Variants in MCCC1 observed in about 807,000 individuals in gnomAD.
MCCC1 encodes methylcrotonyl-CoA carboxylase subunit 1, also known as methylcrotonoyl-CoA carboxylase subunit alpha, mitochondrial.
In MCCC1, 64 loss-of-function variants were observed where a neutral mutation model predicts 83.8. The ratio of observed to expected loss-of-function variants is 0.76; its 90% confidence interval spans 0.62 to 0.94. MCCC1 has a LOEUF of 0.94. MCCC1 is among the 40% of genes least tolerant of loss of function. The pLI is 0.00. For missense variants in MCCC1, 807 were observed against 904.7 expected (o/e 0.89, Z 1.39); for synonymous variants, 322 against 315.4 (o/e 1.02, Z -0.22).
At chr3:183,025,692 C>T in intron 15 of MCCC1, 63 bp downstream of exon 15, 2 of 1,355,072 alleles carry the variant, frequency 1.5e-6, no homozygotes, top group South Asian at 1.2e-5. Context: ...GTGAAAGACC[C>T]TATTCAGTAT....
At chr3:183,094,912 A>G (rs1410574778) in intron 1 of MCCC1, among the ~76,000 whole-genome samples, 1 of 152,056 alleles carries the variant, frequency 6.6e-6, no homozygotes, top group African/African-American at 2.4e-5. Context: ...CTTTTTTGAA[A>G]CCTTTTTGGC....
chr3:183,101,397 C>G (rs1207409366), upstream of MCCC1, among the ~76,000 whole-genome samples: 1 of 152,146 alleles, frequency 6.6e-6, no homozygotes. Flanking sequence ...GTCTTTATAT[C>G]TAGCTCAGGG....
rs1238722648 is a variant in MCCC1 at position 183,052,087 on chromosome 3, G to A, written c.955+72C>T. 7 of 1,428,186 alleles carry A rather than the reference G, an allele frequency of 4.9e-6. No homozygotes were observed. In the African/African-American group the frequency reaches 9.8e-5, roughly 20 times the overall value. 88.5% of individuals were successfully genotyped at this position (1,428,186 alleles called of 1,614,324 possible). On this transcript the variant is annotated intron_variant, in intron 9 of 18. Coordinates refer to ENST00000265594, the MANE Select transcript of MCCC1 (RefSeq NM_020166.5). ...TGAAAGCAACTGATTTAAAAGTTGTGTTTCTCTTGCCTTCTAAAACATAAA... is the reference window on the plus strand; with the variant it reads ...TGAAAGCAACTGATTTAAAAGTTGTATTTCTCTTGCCTTCTAAAACATAAA...
At chr3:183,032,268 C>T (rs896247313) in intron 14 of MCCC1, among the ~76,000 whole-genome samples, 3 of 152,108 alleles carry the variant, frequency 2.0e-5, no homozygotes, top group African/African-American at 7.2e-5. Context: ...ATATGAATTA[C>T]AATCAAATAT....
intron 9 of MCCC1, among the ~76,000 whole-genome samples, chr3:183,048,036 C>T (rs1714681200): frequency 6.6e-6 from 1 of 152,094 alleles, no homozygotes; most frequent in African/African-American, 2.4e-5. Context: ...GTTACAGTTG[C>T]CACAATGTCA....
chr3:183,019,953 A>G (rs1323079913), intron 17 of MCCC1, among the ~76,000 whole-genome samples, 177 bp downstream of exon 17: 2 of 152,202 alleles, frequency 1.3e-5, no homozygotes, highest in Non-Finnish European at 2.9e-5. Context: ...GTAAATGGGT[A>G]TTTTCAGTGA....
intron 1 of MCCC1, among the ~76,000 whole-genome samples, chr3:183,097,402 T>C (rs1416466667): frequency 6.6e-6 from 1 of 152,198 alleles, no homozygotes; most frequent in Non-Finnish European, 1.5e-5. Flanking sequence ...TAAGATTTTT[T>C]TGTTTTTGTT....
intron 13 of MCCC1, among the ~76,000 whole-genome samples, chr3:183,035,109 T>C (rs1319364803): frequency 2.6e-5 from 4 of 152,188 alleles, no homozygotes; most frequent in East Asian, 3.8e-4. Context: ...ATATCCTCTA[T>C]TGGACAATAT....
intron 16 of MCCC1, among the ~76,000 whole-genome samples, chr3:183,020,797 C>T (rs761915484): frequency 1.3e-5 from 2 of 152,182 alleles, no homozygotes; most frequent in Non-Finnish European, 2.9e-5. Flanking sequence ...CCGTGGCTCA[C>T]GCCTGTAATC....
intron 9 of MCCC1, among the ~76,000 whole-genome samples, chr3:183,047,005 G>T (rs1714606692): frequency 6.6e-6 from 1 of 152,184 alleles, no homozygotes. Context: ...TCACACTTTT[G>T]TGAGTTTTAC....
At chr3:183,111,108 A>G (rs1719486108) in intron 1 of MCCC1, among the ~76,000 whole-genome samples, 2 of 152,160 alleles carry the variant, frequency 1.3e-5, no homozygotes, top group Admixed American at 6.5e-5. Context: ...CTTTGGGAAA[A>G]TTATATAAGA....
At chr3:183,040,098 G>GAAAAAA (rs57389038) in intron 11 of MCCC1, among the ~76,000 whole-genome samples, 1 of 34,594 alleles carries the variant, frequency 2.9e-5, no homozygotes, top group Non-Finnish European at 5.3e-5. Context: ...CTCCATCTCA[G>GAAAAAA]AAAAAAAAAA....
Position 183,037,453 on chromosome 3 carries a change from C to G in MCCC1, c.1378-19G>C. 6.3e-7 allele frequency: 1 copy of G among 1,590,646 alleles called. No individual in the cohort carries two copies. Among genetic ancestry groups the G allele is most frequent in the Non-Finnish European group, 8.6e-7 (1 of 1,158,422 alleles). ...CAACAATCTAGGAAGAGAATAAACC[C>G]CCAGTTCCTGCTGAGTGGGGAAAAC... On this transcript the variant is annotated intron_variant, in intron 12 of 18. Coordinates refer to ENST00000265594, the MANE Select transcript of MCCC1 (RefSeq NM_020166.5).
rs529894522 is a variant in MCCC1, at chr3:183,032,293, C to T, written c.1681+1698G>A. Among the ~76,000 whole-genome samples, 12 of 152,174 alleles carry T rather than the reference C, an allele frequency of 7.9e-5. No homozygotes were observed. The South Asian group carries it at 2.3e-3, about 29-fold the overall frequency. On this transcript the variant is annotated intron_variant, in intron 14 of 18. Transcript: ENST00000265594. Reference sequence around the variant, plus strand: ...CAATCAAATATGTAATTCTTCTGTTCAATTCAGGTTGAAGAAGCCAGTGAA... The same window carrying T: ...CAATCAAATATGTAATTCTTCTGTTTAATTCAGGTTGAAGAAGCCAGTGAA...
rs768350994 is a variant in MCCC1 at position 183,041,748 on chromosome 3, A to T, written c.1086T>A (p.Ile362=). The T allele has an allele frequency of 6.2e-7, 1 of 1,614,216 alleles. No homozygotes were observed. The highest frequency in any genetic ancestry group is 8.5e-7 in the Non-Finnish European group (1 of 1,180,028). ...TCAAAGGAATCTTCTCTCCTGCTGC[A>T]ATCTGGCAATAGAATAGTGTTTCTT... The part of the protein sequence containing the change: ...GTDLVEWQLR[I]AAGEKIPLSQ... Residue 362 remains isoleucine, a splice_region_variant and synonymous_variant, in exon 11 of 19, where the codon ATT becomes ATA. Coordinates refer to ENST00000265594, the MANE Select transcript of MCCC1 (RefSeq NM_020166.5).
intron 3 of MCCC1, among the ~76,000 whole-genome samples, chr3:183,090,324 G>C (rs919330480): frequency 3.3e-5 from 5 of 152,190 alleles, no homozygotes; most frequent in African/African-American, 1.2e-4. Flanking sequence ...CAGTCTAGTA[G>C]AGAGTGGTTG....
At chr3:183,043,999 T>C (rs796797473) in intron 10 of MCCC1, among the ~76,000 whole-genome samples, 81 of 152,230 alleles carry the variant, frequency 5.3e-4, no homozygotes, top group African/African-American at 1.8e-3. Flanking sequence ...TGGTTTTCGT[T>C]AACACCCTAG....
At chr3:183,070,436 A>G (rs1162447482) in intron 7 of MCCC1, among the ~76,000 whole-genome samples, 4 of 152,226 alleles carry the variant, frequency 2.6e-5, no homozygotes, top group African/African-American at 4.8e-5. Flanking sequence ...ATATTAGTGT[A>G]TAAGATTCTA....
intron 1 of MCCC1, among the ~76,000 whole-genome samples, chr3:183,106,340 G>T (rs1433342984): frequency 1.3e-5 from 2 of 151,994 alleles, no homozygotes; most frequent in Admixed American, 1.3e-4. Flanking sequence ...CTTTTATAGA[G>T]CCTCTCTCTG....
Sources: gnomAD v4.1 joint callset for allele counts (sites outside exome capture counted in the v4.1 genomes callset) on GRCh38, gnomAD v4.1.1 for gene constraint, MANE v1.5 for transcripts, NCBI Gene and HGNC (gene_info 2026-07-23, HGNC 2026-07-21) for gene names.